The following OPCML variants were observed in gnomAD, a reference collection of about 807,000 sequenced individuals.
The protein encoded by OPCML is opioid binding protein/cell adhesion molecule like, also known as opioid-binding protein/cell adhesion molecule.
OPCML carries 13 observed loss-of-function variants against 37.8 expected under a neutral mutation model. The observed-to-expected ratio is 0.34, with a 90% CI of 0.22 to 0.55. OPCML has a LOEUF of 0.55. OPCML is among the 20% of genes least tolerant of loss of function. The pLI, the probability that OPCML is intolerant of heterozygous loss-of-function variation, is 0.91. For synonymous variants in OPCML, 176 were observed against 168.8 expected, an observed-to-expected ratio of 1.04 and a Z score of -0.33; for missense variants, 341 against 435.6, an observed-to-expected ratio of 0.78 and a Z score of 1.93.
rs1350699823 is a variant in OPCML at position 132,943,805 on chromosome 11, C to A, written c.62-795G>T. On this transcript the variant is annotated intron_variant, in intron 1 of 7. Transcript: ENST00000524381. This position sits in a 1 kb window ranked among gnomAD's most constrained non-coding sequence, Gnocchi z 4.3. ...GCACGGGGAGCTGGGCGGACGGCGG[C>A]CCCCGCCTCCTCCGGGGACGCGGCA... 6.7e-6 allele frequency: 1 copy of A among 150,210 alleles called. No individual in the cohort carries two copies. Among genetic ancestry groups the A allele is most frequent in the African/African-American group, 2.4e-5 (1 of 41,210 alleles). The allele number at this position is 150,210 out of a possible 1,614,324, so 9.3% of individuals were successfully genotyped here.
At chr11:133,222,796 G>T (rs1316132979) in intron 1 of OPCML, among the ~76,000 whole-genome samples, 2 of 151,982 alleles carry the variant, frequency 1.3e-5, no homozygotes, top group African/African-American at 4.8e-5. Context: ...CATGCGTGGA[G>T]GTGGGGGGAG....
At chr11:132,441,325 G>A (rs1270002484) in intron 4 of OPCML, among the ~76,000 whole-genome samples, 9 of 150,576 alleles carry the variant, frequency 6.0e-5, no homozygotes, top group Non-Finnish European at 1.2e-4. Flanking sequence ...CCGCCACTAC[G>A]CCCGGCTAAT....
intron 4 of OPCML, among the ~76,000 whole-genome samples, chr11:132,490,544 CT>C (rs34118152): frequency 0.19 from 29,463 of 151,916 alleles, 3,113 homozygotes; most frequent in East Asian, 0.33. Context: ...CCGGCCTGAC[CT>C]TTGCTTTGAA....
chr11:133,251,582 G>A (rs1023652730), intron 1 of OPCML, among the ~76,000 whole-genome samples: 1 of 151,790 alleles, frequency 6.6e-6, no homozygotes, highest in Non-Finnish European at 1.5e-5. Flanking sequence ...TTTTTTGGGG[G>A]GGGGAGGGGA....
chr11:132,466,121 G>A (rs2136933123), intron 4 of OPCML, among the ~76,000 whole-genome samples: 1 of 152,278 alleles, frequency 6.6e-6, no homozygotes, highest in East Asian at 1.9e-4. Flanking sequence ...CATGTGGAAT[G>A]TCTCCTGATA....
At chr11:133,374,524 G>A (rs1354359402) in intron 1 of OPCML, among the ~76,000 whole-genome samples, 1 of 152,116 alleles carries the variant, frequency 6.6e-6, no homozygotes, top group Non-Finnish European at 1.5e-5. Context: ...AATGCTGTGG[G>A]GAGCATTCTT....
At chr11:132,491,714 G>A (rs2096216291) in intron 4 of OPCML, among the ~76,000 whole-genome samples, 1 of 152,144 alleles carries the variant, frequency 6.6e-6, no homozygotes, top group Non-Finnish European at 1.5e-5. Context: ...TCTAGGGGTG[G>A]GGTCTACACC....
intron 1 of OPCML, among the ~76,000 whole-genome samples, chr11:133,063,652 C>T (rs1948390236): frequency 6.6e-6 from 1 of 151,966 alleles, no homozygotes; most frequent in African/African-American, 2.4e-5. Context: ...ACCTCCGCCT[C>T]CCAGATTCAG....
intron 4 of OPCML, among the ~76,000 whole-genome samples, chr11:132,458,957 A>C (rs76917404): frequency 0.011 from 1,646 of 152,328 alleles, 12 homozygotes; most frequent in Non-Finnish European, 0.015. Context: ...TGTGTACACC[A>C]AAACTCAACA....
intron 1 of OPCML, among the ~76,000 whole-genome samples, chr11:133,035,992 A>G (rs1015586791): frequency 1.3e-5 from 2 of 152,192 alleles, no homozygotes; most frequent in African/African-American, 4.8e-5. Flanking sequence ...GAAAGTGAAT[A>G]TCTAATGTTT....
chr11:133,402,858 G>C (rs1439914273), intron 1 of OPCML, among the ~76,000 whole-genome samples: 2 of 152,148 alleles, frequency 1.3e-5, no homozygotes, highest in Non-Finnish European at 2.9e-5. Flanking sequence ...AGTCGCCAAG[G>C]CCAAACCAAG....
chr11:133,530,473 C>T (rs1222687303), intron 1 of OPCML, among the ~76,000 whole-genome samples: 1 of 152,188 alleles, frequency 6.6e-6, no homozygotes, highest in African/African-American at 2.4e-5. Flanking sequence ...ATGAGGAGGC[C>T]CCCCGGAGCT....
At chr11:133,457,570 T>G (rs894750268) in intron 1 of OPCML, among the ~76,000 whole-genome samples, 10 of 152,002 alleles carry the variant, frequency 6.6e-5, no homozygotes, top group African/African-American at 2.2e-4. Flanking sequence ...TATGTTTTTA[T>G]GTTTTTTAAT....
At chr11:132,822,343 C>T (rs1279495570) in intron 2 of OPCML, among the ~76,000 whole-genome samples, 4 of 152,094 alleles carry the variant, frequency 2.6e-5, no homozygotes, top group Non-Finnish European at 5.9e-5. Context: ...TATTTCTTTC[C>T]ACCATTTGTA....
intron 2 of OPCML, among the ~76,000 whole-genome samples, chr11:132,715,238 A>G (rs1352148283): frequency 6.6e-6 from 1 of 152,150 alleles, no homozygotes; most frequent in African/African-American, 2.4e-5. Flanking sequence ...TCACTCACTT[A>G]CTCATCTGTT....
intron 1 of OPCML, among the ~76,000 whole-genome samples, chr11:133,514,210 AG>A (rs1203537157): frequency 6.6e-6 from 1 of 152,238 alleles, no homozygotes; most frequent in East Asian, 1.9e-4. Context: ...TGATGCAATG[AG>A]GAACCAGTAC....
intron 1 of OPCML, among the ~76,000 whole-genome samples, chr11:133,000,865 G>C (rs556714633): frequency 1.4e-3 from 217 of 152,318 alleles, no homozygotes; most frequent in African/African-American, 5.1e-3. Context: ...ATGATCTGGT[G>C]CCATCCTCAC....
intron 1 of OPCML, among the ~76,000 whole-genome samples, chr11:133,147,962 T>C (rs556794258): frequency 5.3e-5 from 8 of 152,230 alleles, no homozygotes; most frequent in African/African-American, 1.7e-4. Context: ...CCTGCCCATC[T>C]CTCATCCCTC....
intron 2 of OPCML, among the ~76,000 whole-genome samples, chr11:132,677,984 A>C (rs578075860): frequency 6.6e-6 from 1 of 152,316 alleles, no homozygotes; most frequent in Non-Finnish European, 1.5e-5. Flanking sequence ...TGGAAAAAAT[A>C]TCTGCAACAG....
Sources: allele counts gnomAD v4.1 joint callset (sites outside exome capture counted in the v4.1 genomes callset), GRCh38; gene constraint gnomAD v4.1.1; non-coding constraint Gnocchi (gnomAD v3.1); transcripts MANE v1.5; gene names NCBI Gene and HGNC (gene_info 2026-07-23, HGNC 2026-07-21).